FAF1: variants seen among roughly 807,000 people sequenced by gnomAD.
FAF1 encodes the protein Fas associated factor 1.
FAF1 carries 25 observed loss-of-function variants against 92.5 expected under a neutral mutation model. That is an observed-to-expected ratio of 0.27 (90% CI 0.20 to 0.38). The LOEUF (loss-of-function observed/expected upper bound fraction) is 0.38. Among genes scored for constraint, FAF1 ranks in the 10% least tolerant of loss-of-function variants. FAF1 has a pLI of 1.00. For missense variants in FAF1, 636 were observed against 793.3 expected, an observed-to-expected ratio of 0.80 and a Z score of 2.38; for synonymous variants, 234 against 273.2, an observed-to-expected ratio of 0.86 and a Z score of 1.42.
chr1:50,585,962 A>G (rs1572851081), intron 9 of FAF1, among the ~76,000 whole-genome samples: 1 of 150,870 alleles, frequency 6.6e-6, no homozygotes, highest in Non-Finnish European at 1.5e-5. Flanking sequence ...CTGAGGCAGG[A>G]GGATCACTTG....
intron 13 of FAF1, among the ~76,000 whole-genome samples, chr1:50,540,431 T>C (rs1469204453): frequency 3.3e-5 from 5 of 152,218 alleles, no homozygotes; most frequent in Admixed American, 3.3e-4. Context: ...AGCAACGTTT[T>C]CACAAGTCTT....
Position 50,729,030 on chromosome 1 carries a change from CTATCTATATA to C in FAF1, c.551+9823_551+9832del, listed in dbSNP as rs1443112703. On this transcript the variant is annotated intron_variant, in intron 6 of 18. Coordinates refer to ENST00000396153, the MANE Select transcript of FAF1 (RefSeq NM_007051.3). The stretch of plus-strand genomic sequence containing the variant: ...TCTATCTATCTATCTATCTATCTAT[CTATCTATATA>C]TATATATATATATATATATTTTTTT... Among the ~76,000 whole-genome samples, 3 of 74,514 alleles carry C rather than the reference CTATCTATATA, an allele frequency of 4.0e-5. No homozygotes were observed. The South Asian group carries it at 1.4e-3, about 35-fold the overall frequency. 48.9% of individuals were successfully genotyped at this position (74,514 alleles called of 152,430 possible).
chr1:50,447,218 C>T (rs547190357), intron 18 of FAF1, among the ~76,000 whole-genome samples: 32 of 151,118 alleles, frequency 2.1e-4, no homozygotes, highest in African/African-American at 7.6e-4. Flanking sequence ...CTCCGCCTCC[C>T]GGGTTCATGC....
intron 4 of FAF1, among the ~76,000 whole-genome samples, chr1:50,782,991 T>A (rs1661233940): frequency 1.3e-5 from 2 of 151,910 alleles, no homozygotes; most frequent in African/African-American, 4.8e-5. Context: ...GTGTTTTTTT[T>A]AAAGATCAAC....
At chr1:50,645,156 T>C (rs1654525579) in intron 8 of FAF1, among the ~76,000 whole-genome samples, 1 of 152,164 alleles carries the variant, frequency 6.6e-6, no homozygotes. Context: ...CTCACCACCA[T>C]CAGAAGCAAC....
chr1:50,449,943 C>G (rs1177243104), intron 18 of FAF1, among the ~76,000 whole-genome samples: 1 of 151,614 alleles, frequency 6.6e-6, no homozygotes, highest in Non-Finnish European at 1.5e-5. Context: ...GCCTGTAATC[C>G]CAGCACTTTG....
At chr1:50,876,695 C>G (rs1283574454) in intron 1 of FAF1, among the ~76,000 whole-genome samples, 1 of 152,172 alleles carries the variant, frequency 6.6e-6, no homozygotes, top group Non-Finnish European at 1.5e-5. Flanking sequence ...AAGTGATTCT[C>G]CTACCTCGGC....
intron 6 of FAF1, among the ~76,000 whole-genome samples, chr1:50,730,402 A>T: frequency 1.3e-5 from 2 of 148,452 alleles, no homozygotes; most frequent in Admixed American, 6.7e-5. Flanking sequence ...GCTTACTCTC[A>T]TTTTTTCCTG....
At chr1:50,724,204 C>A (rs1385976088) in intron 6 of FAF1, among the ~76,000 whole-genome samples, 2 of 145,960 alleles carry the variant, frequency 1.4e-5, no homozygotes, top group Non-Finnish European at 3.0e-5. Context: ...TGCCACCACG[C>A]TACAGCCTGT....
intron 1 of FAF1, among the ~76,000 whole-genome samples, chr1:50,881,975 T>A (rs980587450): frequency 6.6e-6 from 1 of 152,210 alleles, no homozygotes; most frequent in Admixed American, 6.5e-5. Context: ...ATTTGGAGAT[T>A]ATGTATTTTA....
chr1:50,764,472 T>C (rs1428401584), intron 4 of FAF1, among the ~76,000 whole-genome samples: 2 of 152,212 alleles, frequency 1.3e-5, no homozygotes, highest in African/African-American at 4.8e-5. Flanking sequence ...TACATTCCAA[T>C]CTCAGTCTCA....
intron 2 of FAF1, among the ~76,000 whole-genome samples, chr1:50,808,522 T>C (rs1356177037): frequency 2.0e-5 from 3 of 152,000 alleles, no homozygotes; most frequent in African/African-American, 7.3e-5. Context: ...CCATCACACA[T>C]ATAAATGCAA....
chr1:50,583,584 A>T lies in FAF1; in HGVS notation c.1031+68T>A. On this transcript the variant is annotated intron_variant, in intron 11 of 18. Transcript: ENST00000396153. The surrounding 1 kb of genome is among the most constrained non-coding windows in gnomAD (Gnocchi z 4.2). ...AAACTTTAAACAATCTATAATTAAA[A>T]TTGCCCAAGAAAAATCACAGTAGCA... 1.1e-6 allele frequency: 1 copy of T among 948,144 alleles called. No homozygotes were observed. The highest frequency in any genetic ancestry group is 2.0e-5 in the South Asian group (1 of 49,254). The allele number at this position is 948,144 out of a possible 1,614,324, so 58.7% of individuals were successfully genotyped here.
chr1:50,715,638 C>T (rs1431738762), intron 6 of FAF1, among the ~76,000 whole-genome samples: 3 of 152,152 alleles, frequency 2.0e-5, no homozygotes, highest in Non-Finnish European at 4.4e-5. Context: ...GCTTCCAATG[C>T]TCTTTCATTA....
chr1:50,526,843 G>T (rs1302138478), intron 15 of FAF1, among the ~76,000 whole-genome samples: 1 of 150,562 alleles, frequency 6.6e-6, no homozygotes, highest in Non-Finnish European at 1.5e-5. Context: ...GCTAACATTT[G>T]TTGTTACCTG....
chr1:50,905,028 C>T (rs1039865374), intron 1 of FAF1, among the ~76,000 whole-genome samples: 1 of 151,978 alleles, frequency 6.6e-6, no homozygotes, highest in African/African-American at 2.4e-5. Flanking sequence ...TAATGCTATC[C>T]CAACACCAGC....
intron 8 of FAF1, among the ~76,000 whole-genome samples, chr1:50,642,206 A>G (rs1654368305): frequency 6.8e-6 from 1 of 146,152 alleles, no homozygotes; most frequent in Non-Finnish European, 1.5e-5. Context: ...TTGTCTCAGA[A>G]AAAAAAAAAA....
At chr1:50,798,343 T>C (rs1389282584) in intron 3 of FAF1, among the ~76,000 whole-genome samples, 1 of 152,218 alleles carries the variant, frequency 6.6e-6, no homozygotes, top group African/African-American at 2.4e-5. Flanking sequence ...TATGAGTTAA[T>C]AAATACCATC....
chr1:50,475,745 G>A, intron 17 of FAF1, 66 bp from the exon 18 acceptor site: 1 of 1,082,144 alleles, frequency 9.2e-7, no homozygotes, highest in Admixed American at 2.7e-5. Context: ...TGGGGAGGAA[G>A]ACACCAGAAA....
Sources: allele counts gnomAD v4.1 joint callset (sites outside exome capture counted in the v4.1 genomes callset), GRCh38; gene constraint gnomAD v4.1.1; non-coding constraint Gnocchi (gnomAD v3.1); transcripts MANE v1.5; gene names NCBI Gene and HGNC (gene_info 2026-07-23, HGNC 2026-07-21).